The following SAMD4A variants were observed in gnomAD, a reference collection of about 807,000 sequenced individuals.
SAMD4A encodes the protein sterile alpha motif domain containing 4A.
Under a neutral mutation model 81.3 loss-of-function variants are expected in SAMD4A, and 33 were observed. The observed-to-expected ratio is 0.41, with a 90% CI of 0.31 to 0.54. SAMD4A has a LOEUF of 0.54. Among genes scored for constraint, SAMD4A ranks in the 20% least tolerant of loss-of-function variants. The pLI, the probability that SAMD4A is intolerant of heterozygous loss-of-function variation, is 0.37. For synonymous variants in SAMD4A, 389 were observed against 382.1 expected, an observed-to-expected ratio of 1.02 and a Z score of -0.21; for missense variants, 854 against 951.1, an observed-to-expected ratio of 0.90 and a Z score of 1.34.
intron 6 of SAMD4A, among the ~76,000 whole-genome samples, chr14:54,758,880 A>G (rs2038316347): frequency 6.6e-6 from 1 of 151,998 alleles, no homozygotes; most frequent in Non-Finnish European, 1.5e-5. Context: ...CCTGATTATC[A>G]ATGTCCTTTC....
intron 2 of SAMD4A, among the ~76,000 whole-genome samples, chr14:54,672,441 C>G (rs1446581126): frequency 6.6e-6 from 1 of 152,138 alleles, no homozygotes; most frequent in Non-Finnish European, 1.5e-5. Context: ...TCTCTGCCTC[C>G]TCTTCTACCT....
At chr14:54,593,902 CT>C (rs2033846753) in intron 2 of SAMD4A, among the ~76,000 whole-genome samples, 1 of 152,014 alleles carries the variant, frequency 6.6e-6, no homozygotes. Context: ...GGTGGTATTA[CT>C]GGTGCCTTGT....
intron 2 of SAMD4A, among the ~76,000 whole-genome samples, chr14:54,576,684 G>A (rs527558805): frequency 6.6e-6 from 1 of 152,324 alleles, no homozygotes; most frequent in East Asian, 1.9e-4. Context: ...CTGTGTTCCA[G>A]GCAGATCACA....
At chr14:54,586,351 T>C (rs1393926672) in intron 2 of SAMD4A, among the ~76,000 whole-genome samples, 3 of 152,228 alleles carry the variant, frequency 2.0e-5, no homozygotes, top group Non-Finnish European at 4.4e-5. Context: ...GTATAGATTG[T>C]GAAAATTTTC....
intron 2 of SAMD4A, among the ~76,000 whole-genome samples, chr14:54,569,619 C>A (rs1482288216): frequency 2.0e-5 from 3 of 152,234 alleles, no homozygotes; most frequent in African/African-American, 7.2e-5. Context: ...AATTGGGTAA[C>A]TGATGATCCA....
intron 2 of SAMD4A, among the ~76,000 whole-genome samples, chr14:54,628,430 G>T (rs2034817037): frequency 6.6e-6 from 1 of 152,174 alleles, no homozygotes. Context: ...ATTTACTGCA[G>T]CAGTATAACT....
intron 2 of SAMD4A, among the ~76,000 whole-genome samples, chr14:54,660,860 A>C (rs765863678): frequency 6.6e-6 from 1 of 152,258 alleles, no homozygotes; most frequent in Non-Finnish European, 1.5e-5. Context: ...CCTGTCAGCC[A>C]CAGAATTGTT....
chr14:54,578,857 T>G (rs1267399680), intron 2 of SAMD4A, among the ~76,000 whole-genome samples: 1 of 152,164 alleles, frequency 6.6e-6, no homozygotes, highest in African/African-American at 2.4e-5. Context: ...TAGTAGACAG[T>G]CAAAGGCTAG....
At chr14:54,681,174 C>T (rs1158269031) in intron 2 of SAMD4A, among the ~76,000 whole-genome samples, 1 of 142,888 alleles carries the variant, frequency 7.0e-6, no homozygotes, top group South Asian at 2.3e-4. Flanking sequence ...AAGACCCCCC[C>T]TCCAGCCCCC....
chr14:54,623,513 A>AAAAAAG (rs2034670735), intron 2 of SAMD4A, among the ~76,000 whole-genome samples: 1 of 108,902 alleles, frequency 9.2e-6, no homozygotes, highest in Admixed American at 9.3e-5. Flanking sequence ...AAAAAAAAAA[A>AAAAAAG]GCAGGGGGAG....
intron 6 of SAMD4A, among the ~76,000 whole-genome samples, chr14:54,758,339 C>T (rs554562894): frequency 4.5e-4 from 69 of 152,296 alleles, no homozygotes; most frequent in African/African-American, 1.5e-3. Context: ...GAAACAGGCA[C>T]GTCCAAGCCT....
At chr14:54,704,952 A>G (rs903362091) in intron 3 of SAMD4A, among the ~76,000 whole-genome samples, 1 of 152,200 alleles carries the variant, frequency 6.6e-6, no homozygotes, top group Non-Finnish European at 1.5e-5. Flanking sequence ...GCAGCCTGAC[A>G]GAGGGAAGAA....
intron 2 of SAMD4A, among the ~76,000 whole-genome samples, chr14:54,671,951 T>C (rs1261608046): frequency 1.3e-5 from 2 of 149,744 alleles, no homozygotes; most frequent in African/African-American, 2.5e-5. Flanking sequence ...TAGGGGGAGA[T>C]TGGGAGATGG....
chr14:54,658,789 A>C (rs1369121812), intron 2 of SAMD4A, among the ~76,000 whole-genome samples: 1 of 152,082 alleles, frequency 6.6e-6, no homozygotes, highest in African/African-American at 2.4e-5. Flanking sequence ...CTCATTTCCC[A>C]TCCTAACGTC....
intron 2 of SAMD4A, among the ~76,000 whole-genome samples, chr14:54,641,667 A>G (rs1432001166): frequency 3.9e-5 from 6 of 152,218 alleles, no homozygotes; most frequent in Admixed American, 3.9e-4. Context: ...GGCAAACCCA[A>G]TATTCACACT....
rs1474627927 is a variant in SAMD4A at position 54,791,554 on chromosome 14, GTTA to G, written c.*2614_*2616del. On this transcript the variant is annotated 3_prime_UTR_variant, in exon 13 of 13. Coordinates refer to ENST00000554335, the MANE Select transcript of SAMD4A (RefSeq NM_015589.6). ...ATGGCTGGTAACCATGATAAAGTCT[GTTA>G]TTAATAACAACATAATTCTTTTTTT... 3 of 152,016 alleles carry G rather than the reference GTTA, an allele frequency of 2.0e-5. No individual in the cohort carries two copies. Among genetic ancestry groups the G allele is most frequent in the African/African-American group, 7.2e-5 (3 of 41,390 alleles). 9.4% of individuals were successfully genotyped at this position (152,016 alleles called of 1,614,324 possible).
At chr14:54,733,170 C>T (rs537965281) in intron 3 of SAMD4A, among the ~76,000 whole-genome samples, 2 of 152,288 alleles carry the variant, frequency 1.3e-5, no homozygotes, top group South Asian at 4.1e-4. Context: ...CCTCTGAACT[C>T]CCATCACACT....
chr14:54,669,433 C>A (rs1398117843), intron 2 of SAMD4A, among the ~76,000 whole-genome samples: 2 of 145,030 alleles, frequency 1.4e-5, no homozygotes, highest in South Asian at 2.2e-4. Context: ...TTTTTAGAAG[C>A]AACGCTTCTT....
chr14:54,783,306 G>A (rs2039049218), intron 11 of SAMD4A, among the ~76,000 whole-genome samples: 1 of 152,200 alleles, frequency 6.6e-6, no homozygotes, highest in Non-Finnish European at 1.5e-5. Flanking sequence ...CAGAGAGATA[G>A]GGAAGCATCA....
Sources: gnomAD v4.1 joint callset for allele counts (sites outside exome capture counted in the v4.1 genomes callset) on GRCh38, gnomAD v4.1.1 for gene constraint, MANE v1.5 for transcripts, NCBI Gene and HGNC (gene_info 2026-07-23, HGNC 2026-07-21) for gene names.